The following COL25A1 variants were observed in gnomAD, a reference collection of about 807,000 sequenced individuals.
The protein encoded by COL25A1 is collagen type XXV alpha 1 chain.
In COL25A1, 103 loss-of-function variants were observed where a neutral mutation model predicts 128.4. The observed-to-expected ratio is 0.80, with a 90% CI of 0.68 to 0.94. The LOEUF (loss-of-function observed/expected upper bound fraction) is 0.94, where lower values mean the gene tolerates loss of function less well. Ranked by LOEUF, COL25A1 falls within the 40% of genes least tolerant of loss-of-function variation. The pLI is 0.00. For missense variants in COL25A1, 745 were observed against 840.0 expected, an observed-to-expected ratio of 0.89 and a Z score of 1.40; for synonymous variants, 279 against 277.2, an observed-to-expected ratio of 1.01 and a Z score of -0.06.
chr4:108,921,476 T>C (rs1166759905), intron 11 of COL25A1, among the ~76,000 whole-genome samples: 4 of 152,190 alleles, frequency 2.6e-5, no homozygotes, highest in Non-Finnish European at 5.9e-5. Context: ...TTTAGCAAAG[T>C]TATAGACACT....
intron 6 of COL25A1, among the ~76,000 whole-genome samples, chr4:108,994,971 A>T (rs1001412869): frequency 5.9e-5 from 9 of 152,232 alleles, no homozygotes; most frequent in Admixed American, 3.3e-4. Context: ...GGTCACCAAC[A>T]TCAAAGACCA....
At chr4:109,020,091 T>TAGAG (rs35271186) in intron 5 of COL25A1, among the ~76,000 whole-genome samples, 76,750 of 151,636 alleles carry the variant, frequency 0.51, 22,062 homozygotes, top group African/African-American at 0.77. Context: ...AATGATATAC[T>TAGAG]AGAGAAGCAA....
At chr4:109,055,140 G>A (rs1484388092) in intron 3 of COL25A1, among the ~76,000 whole-genome samples, 4 of 152,082 alleles carry the variant, frequency 2.6e-5, no homozygotes, top group Non-Finnish European at 5.9e-5. Context: ...CCTTCAAGAT[G>A]GACCAAAGCG....
intron 3 of COL25A1, among the ~76,000 whole-genome samples, chr4:109,149,476 C>T (rs1398197148): frequency 2.0e-5 from 3 of 152,062 alleles, no homozygotes; most frequent in Non-Finnish European, 2.9e-5. Context: ...AAATACATAA[C>T]AGTGCTGTGT....
chr4:109,031,427 CTT>C lies in COL25A1; in HGVS notation c.420+16739_420+16740del, dbSNP rs201534898. Among the ~76,000 whole-genome samples, 23 of 152,134 alleles carry C rather than the reference CTT, an allele frequency of 1.5e-4. No individual in the cohort carries two copies. In the South Asian group the frequency reaches 4.6e-3, roughly 30 times the overall value. ...CACCGCGCCAGGCCATGTTACAATA[CTT>C]TTTTTAAAAAAAAAGAATTTACGCA... On this transcript the variant is annotated intron_variant, in intron 5 of 37. Coordinates refer to ENST00000399132, the MANE Select transcript of COL25A1 (RefSeq NM_198721.4).
intron 5 of COL25A1, among the ~76,000 whole-genome samples, chr4:109,033,809 C>T (rs1210336843): frequency 6.6e-6 from 1 of 151,990 alleles, no homozygotes; most frequent in Non-Finnish European, 1.5e-5. Flanking sequence ...TATATCATTA[C>T]ATAATAAATT....
intron 3 of COL25A1, among the ~76,000 whole-genome samples, chr4:109,249,793 G>C (rs1331701995): frequency 6.6e-6 from 1 of 152,102 alleles, no homozygotes; most frequent in Non-Finnish European, 1.5e-5. Flanking sequence ...ATCAACAAAA[G>C]GTTGTGTTAG....
chr4:108,890,656 T>C (rs1741381097), intron 16 of COL25A1, among the ~76,000 whole-genome samples: 1 of 152,198 alleles, frequency 6.6e-6, no homozygotes, highest in African/African-American at 2.4e-5. Flanking sequence ...CATTTGAGAC[T>C]GTCAAGAAAA....
intron 3 of COL25A1, among the ~76,000 whole-genome samples, chr4:109,093,440 C>T (rs1163063162): frequency 7.5e-6 from 1 of 133,718 alleles, no homozygotes; most frequent in East Asian, 2.1e-4. Context: ...GGCAATACAG[C>T]AAGACTCCAT....
At chr4:109,215,744 C>T (rs1216518446) in intron 3 of COL25A1, among the ~76,000 whole-genome samples, 1 of 152,098 alleles carries the variant, frequency 6.6e-6, no homozygotes, top group Non-Finnish European at 1.5e-5. Context: ...TTTTCTTGCT[C>T]ACCATTGCAT....
intron 8 of COL25A1, among the ~76,000 whole-genome samples, chr4:108,965,964 G>A (rs1447774889): frequency 6.6e-6 from 1 of 152,148 alleles, no homozygotes; most frequent in Non-Finnish European, 1.5e-5. Flanking sequence ...GCAAGTATAA[G>A]CAAGATCTTG....
chr4:109,211,455 T>C (rs988032411), intron 3 of COL25A1, among the ~76,000 whole-genome samples: 5 of 50,826 alleles, frequency 9.8e-5, no homozygotes, highest in African/African-American at 8.5e-4. Flanking sequence ...CCTTCCTTAA[T>C]GTTCCTTAAT....
chr4:108,817,107 G>C (rs1242862804), intron 37 of COL25A1, among the ~76,000 whole-genome samples: 1 of 152,116 alleles, frequency 6.6e-6, no homozygotes, highest in Admixed American at 6.6e-5. Context: ...TAAACATTAG[G>C]AAGACAAAGA....
At chr4:108,867,915 T>C (rs1178073489) in intron 20 of COL25A1, among the ~76,000 whole-genome samples, 1 of 152,088 alleles carries the variant, frequency 6.6e-6, no homozygotes, top group African/African-American at 2.4e-5. Flanking sequence ...GCAGTATATA[T>C]AGATTTTGCT....
intron 3 of COL25A1, among the ~76,000 whole-genome samples, chr4:109,138,696 GTTT>G (rs1020630700): frequency 4.7e-5 from 7 of 148,676 alleles, no homozygotes; most frequent in African/African-American, 1.5e-4. Flanking sequence ...TTTTGTTTTT[GTTT>G]TTTGTTTTTT....
intron 3 of COL25A1, among the ~76,000 whole-genome samples, chr4:109,113,866 T>C (rs957430008): frequency 1.3e-5 from 2 of 152,112 alleles, no homozygotes; most frequent in Non-Finnish European, 2.9e-5. Context: ...TGAGCAGATA[T>C]GAAATTAACT....
rs202006504 is a variant in COL25A1, at chr4:108,896,694, G to A, written c.879C>T (p.Asn293=). Reference sequence around the variant, plus strand: ...TTTCGCCTGTGTCACCCTTGGGGCCGTTCTCTCCAGCGTCTCCCTGAGGAG... The same window carrying A: ...TTTCGCCTGTGTCACCCTTGGGGCCATTCTCTCCAGCGTCTCCCTGAGGAG... The part of the protein sequence containing the change: ...EQGEKGDAGE[N]GPKGDTGEKG... The change falls in exon 16 of 38, where the codon AAC becomes AAT. Residue 293 remains asparagine (N), a synonymous_variant. Transcript: ENST00000399132. The A allele has an allele frequency of 7.3e-5, 117 of 1,613,766 alleles. No individual in the cohort carries two copies. Among genetic ancestry groups the A allele is most frequent in the African/African-American group, 5.6e-4 (42 of 74,960 alleles).
chr4:108,992,789 GAC>G (rs1754347476), intron 6 of COL25A1, among the ~76,000 whole-genome samples: 1 of 151,916 alleles, frequency 6.6e-6, no homozygotes, highest in Non-Finnish European at 1.5e-5. Context: ...CACTATTTAT[GAC>G]ACATGATATT....
chr4:109,050,672 C>A (rs1309044778), intron 3 of COL25A1, among the ~76,000 whole-genome samples: 1 of 151,928 alleles, frequency 6.6e-6, no homozygotes, highest in African/African-American at 2.4e-5. Context: ...GGAAAATAAT[C>A]CTTACAAATA....
Sources: gnomAD v4.1 joint callset for allele counts (sites outside exome capture counted in the v4.1 genomes callset) on GRCh38, gnomAD v4.1.1 for gene constraint, MANE v1.5 for transcripts, NCBI Gene and HGNC (gene_info 2026-07-23, HGNC 2026-07-21) for gene names.